TMCC1: variants seen among roughly 807,000 people sequenced by gnomAD.
TMCC1 encodes transmembrane and coiled-coil domains protein 1.
Under a neutral mutation model 52.4 loss-of-function variants are expected in TMCC1, and 15 were observed. The observed-to-expected ratio is 0.29, with a 90% CI of 0.19 to 0.44. TMCC1 has a LOEUF of 0.44. TMCC1 is among the 20% of genes least tolerant of loss of function. The pLI, the probability that TMCC1 is intolerant of heterozygous loss-of-function variation, is 1.00. For missense variants in TMCC1, 503 were observed against 806.0 expected (o/e 0.62, Z 4.55); for synonymous variants, 279 against 301.9 (o/e 0.92, Z 0.79).
At chr3:129,657,449 A>G (rs931512127) in intron 5 of TMCC1, among the ~76,000 whole-genome samples, 2 of 152,260 alleles carry the variant, frequency 1.3e-5, no homozygotes, top group African/African-American at 4.8e-5. Context: ...GAGAAGTTCT[A>G]AAGTGAATTG....
chr3:129,692,459 T>G (rs934542686), intron 4 of TMCC1, among the ~76,000 whole-genome samples: 2 of 152,250 alleles, frequency 1.3e-5, no homozygotes, highest in South Asian at 4.1e-4. Context: ...AGTTTTAAGC[T>G]TACATACTTT....
At chr3:129,711,931 G>A (rs2048720092) in intron 4 of TMCC1, among the ~76,000 whole-genome samples, 1 of 147,124 alleles carries the variant, frequency 6.8e-6, no homozygotes, top group Non-Finnish European at 1.5e-5. Flanking sequence ...GAATCCAGGA[G>A]GCAGAGGTTG....
intron 4 of TMCC1, among the ~76,000 whole-genome samples, chr3:129,696,228 C>A (rs747504241): frequency 2.0e-5 from 3 of 152,230 alleles, no homozygotes; most frequent in Admixed American, 1.3e-4. Flanking sequence ...TTGGTCTCCA[C>A]CATCTTTTAT....
chr3:129,771,421 C>T (rs2107702438), intron 4 of TMCC1, among the ~76,000 whole-genome samples: 1 of 152,024 alleles, frequency 6.6e-6, no homozygotes, highest in South Asian at 2.1e-4. Flanking sequence ...ATTCTGAGTA[C>T]AAAGAGAACC....
intron 4 of TMCC1, among the ~76,000 whole-genome samples, chr3:129,764,201 G>A (rs894538104): frequency 6.6e-6 from 1 of 152,156 alleles, no homozygotes; most frequent in African/African-American, 2.4e-5. Context: ...TGTCTCCACT[G>A]TTTTGCCATA....
At chr3:129,658,791 T>C (rs779034092) in intron 5 of TMCC1, among the ~76,000 whole-genome samples, 56 of 152,192 alleles carry the variant, frequency 3.7e-4, no homozygotes, top group Non-Finnish European at 6.9e-4. Context: ...CAAGAGCTCA[T>C]GTAATGAGGG....
intron 4 of TMCC1, among the ~76,000 whole-genome samples, chr3:129,723,801 A>G (rs1302921580): frequency 6.6e-6 from 1 of 152,148 alleles, no homozygotes; most frequent in Non-Finnish European, 1.5e-5. Context: ...GCTGAGATCT[A>G]CTGCTGAAAA....
intron 4 of TMCC1, among the ~76,000 whole-genome samples, chr3:129,810,993 G>T (rs1313680022): frequency 6.6e-6 from 1 of 152,180 alleles, no homozygotes; most frequent in Admixed American, 6.5e-5. Context: ...TGGTAAAATG[G>T]TTATTTAAAT....
intron 4 of TMCC1, among the ~76,000 whole-genome samples, chr3:129,705,289 T>A (rs553947271): frequency 1.3e-5 from 2 of 152,286 alleles, no homozygotes; most frequent in African/African-American, 4.8e-5. Context: ...TCTTGACATT[T>A]TGGCCACTAT....
At chr3:129,745,793 C>T (rs1051016231) in intron 4 of TMCC1, among the ~76,000 whole-genome samples, 22 of 151,824 alleles carry the variant, frequency 1.4e-4, no homozygotes, top group Non-Finnish European at 2.8e-4. Context: ...AAAACCCCGT[C>T]TCTACTAAAA....
At chr3:129,789,140 A>G (rs2056266247) in intron 4 of TMCC1, among the ~76,000 whole-genome samples, 1 of 152,180 alleles carries the variant, frequency 6.6e-6, no homozygotes, top group African/African-American at 2.4e-5. Context: ...GACTCTACCT[A>G]TGCATTCAGG....
At chr3:129,680,253 A>T (rs992487446) in intron 4 of TMCC1, among the ~76,000 whole-genome samples, 19 of 152,224 alleles carry the variant, frequency 1.2e-4, no homozygotes, top group African/African-American at 4.6e-4. Flanking sequence ...TGGAAGACTC[A>T]ATCTGGTTTA....
chr3:129,867,987 G>C (rs903242775), intron 2 of TMCC1, among the ~76,000 whole-genome samples: 1 of 152,130 alleles, frequency 6.6e-6, no homozygotes, highest in African/African-American at 2.4e-5. Flanking sequence ...CGTTAGACTA[G>C]TACCCATTCT....
chr3:129,655,350 G>A lies in TMCC1; in HGVS notation c.1512-247C>T, dbSNP rs752075229. Among the ~76,000 whole-genome samples the A allele has an allele frequency of 1.3e-4, 20 of 152,278 alleles. 1 individual carries two copies. In the South Asian group the frequency reaches 2.3e-3, roughly 17 times the overall value. On this transcript the variant is annotated intron_variant, in intron 5 of 6. Coordinates refer to ENST00000393238, the MANE Select transcript of TMCC1 (RefSeq NM_001017395.5). ...CTTTTCAATACACAGTATTTGCAGC[G>A]ATGCCAGCAGCCCTGATTAGCTTTG...
At chr3:129,803,357 A>G (rs1018487922) in intron 4 of TMCC1, among the ~76,000 whole-genome samples, 3 of 152,198 alleles carry the variant, frequency 2.0e-5, no homozygotes, top group African/African-American at 7.2e-5. Flanking sequence ...GGAGGGTAGA[A>G]GGAAAGGAAG....
rs527623908 is a variant in TMCC1 at position 129,769,774 on chromosome 3, T to TA, written c.576+58028dup. On this transcript the variant is annotated intron_variant, in intron 4 of 6. Coordinates refer to ENST00000393238, the MANE Select transcript of TMCC1 (RefSeq NM_001017395.5). ...TTACATTTCTACTTTTGGCCTGGGGTAAAAATGAACCAAGAATAATTAAAC... is the reference window on the plus strand; with the variant it reads ...TTACATTTCTACTTTTGGCCTGGGGTAAAAAATGAACCAAGAATAATTAAAC... 1.8e-4 allele frequency among the ~76,000 whole-genome samples: 27 copies of TA among 152,104 alleles called. No individual in the cohort carries two copies. In the South Asian group the frequency reaches 3.7e-3, roughly 21 times the overall value.
At chr3:129,892,488 G>C (rs2062013711) in intron 1 of TMCC1, 1 of 151,432 alleles carries the variant, frequency 6.6e-6, no homozygotes, top group Non-Finnish European at 1.5e-5. Context: ...TCAAAGTTTT[G>C]TTTTATTTTA....
At chr3:129,793,028 C>T (rs1332494229) in intron 4 of TMCC1, among the ~76,000 whole-genome samples, 2 of 152,140 alleles carry the variant, frequency 1.3e-5, no homozygotes, top group Non-Finnish European at 2.9e-5. Context: ...CACTCTTGTG[C>T]AGGAACGTCA....
intron 4 of TMCC1, among the ~76,000 whole-genome samples, chr3:129,758,309 C>CAG (rs1354612878): frequency 6.6e-6 from 1 of 152,136 alleles, no homozygotes; most frequent in Non-Finnish European, 1.5e-5. Context: ...CAGTTGGAGA[C>CAG]ATCTAACAGA....
Sources: gnomAD v4.1 joint callset for allele counts (sites outside exome capture counted in the v4.1 genomes callset) on GRCh38, gnomAD v4.1.1 for gene constraint, MANE v1.5 for transcripts, NCBI Gene and HGNC (gene_info 2026-07-23, HGNC 2026-07-21) for gene names.